MGMT: variants seen among roughly 807,000 people sequenced by gnomAD.
The protein encoded by MGMT is methylated-DNA--protein-cysteine methyltransferase.
Under a neutral mutation model 15.9 loss-of-function variants are expected in MGMT, and 14 were observed. That is an observed-to-expected ratio of 0.88 (90% CI 0.58 to 1.37). MGMT has a LOEUF of 1.37. MGMT is among the 40% of genes most tolerant of loss of function. The probability of loss-of-function intolerance (pLI) is 0.00; values close to 1 mark genes in which losing one functional copy is unlikely to be tolerated. For missense variants in MGMT, 282 were observed against 268.1 expected, an observed-to-expected ratio of 1.05 and a Z score of -0.36; for synonymous variants, 130 against 118.2, an observed-to-expected ratio of 1.10 and a Z score of -0.65.
chr10:129,486,614 A>C (rs1229900152), intron 1 of MGMT, among the ~76,000 whole-genome samples: 2 of 152,200 alleles, frequency 1.3e-5, no homozygotes, highest in Non-Finnish European at 2.9e-5. Flanking sequence ...ATAAACCTTA[A>C]CTGACTTTCT....
chr10:129,518,131 G>A (rs34697114), intron 1 of MGMT, among the ~76,000 whole-genome samples: 2 of 151,632 alleles, frequency 1.3e-5, no homozygotes, highest in South Asian at 2.1e-4. Context: ...ATCAGGAAGC[G>A]TATCTCACCG....
At chr10:129,508,831 G>A (rs997481006) in intron 1 of MGMT, among the ~76,000 whole-genome samples, 4 of 152,092 alleles carry the variant, frequency 2.6e-5, no homozygotes, top group Admixed American at 2.6e-4. Flanking sequence ...ACAGGCATGA[G>A]CCACCAGGCC....
chr10:129,629,420 T>C (rs1056850022), intron 2 of MGMT, among the ~76,000 whole-genome samples: 2 of 152,222 alleles, frequency 1.3e-5, no homozygotes, highest in African/African-American at 4.8e-5. Context: ...TCCGTGGTAG[T>C]ACATTTCACA....
intron 2 of MGMT, among the ~76,000 whole-genome samples, chr10:129,666,720 A>G (rs563307049): frequency 6.6e-6 from 1 of 152,286 alleles, no homozygotes; most frequent in South Asian, 2.1e-4. Context: ...TAATATTTTT[A>G]TCTGTTATTT....
At chr10:129,708,069 T>A in intron 3 of MGMT, 26 bp downstream of exon 3, 2 of 1,600,096 alleles carry the variant, frequency 1.2e-6, no homozygotes, top group Non-Finnish European at 1.7e-6. Flanking sequence ...ATCTGCGGTG[T>A]TTCCTTTGGG....
At chr10:129,718,646 G>C (rs563449301) in intron 3 of MGMT, among the ~76,000 whole-genome samples, 1 of 152,368 alleles carries the variant, frequency 6.6e-6, no homozygotes, top group South Asian at 2.1e-4. Flanking sequence ...CTCTCCTGGT[G>C]AGTGTCACCT....
intron 2 of MGMT, among the ~76,000 whole-genome samples, chr10:129,572,856 T>A (rs1846436020): frequency 6.6e-6 from 1 of 152,208 alleles, no homozygotes; most frequent in East Asian, 1.9e-4. Context: ...GCTCTCACAT[T>A]TATCTTAAGT....
intron 2 of MGMT, among the ~76,000 whole-genome samples, chr10:129,647,836 A>G (rs1421118008): frequency 1.3e-5 from 2 of 152,184 alleles, no homozygotes; most frequent in Non-Finnish European, 2.9e-5. Flanking sequence ...ATTTGATTCA[A>G]TTTCCCTCTG....
intron 2 of MGMT, among the ~76,000 whole-genome samples, chr10:129,562,589 T>G (rs1202810737): frequency 1.3e-5 from 2 of 152,124 alleles, no homozygotes; most frequent in Admixed American, 1.3e-4. Context: ...AGGAGGAGCT[T>G]TTTTTCCCCA....
intron 2 of MGMT, among the ~76,000 whole-genome samples, chr10:129,593,486 CT>C (rs942979858): frequency 2.7e-4 from 41 of 152,362 alleles, no homozygotes; most frequent in African/African-American, 9.6e-4. Context: ...GAGGGAGCCC[CT>C]GGCTTCTTAT....
chr10:129,545,337 C>G (rs1249023586), intron 2 of MGMT, among the ~76,000 whole-genome samples: 2 of 152,134 alleles, frequency 1.3e-5, no homozygotes, highest in Non-Finnish European at 2.9e-5. Context: ...TCAGTATTGT[C>G]CTGGGGGCCT....
intron 3 of MGMT, chr10:129,717,999 C>T (rs1228052723): frequency 6.6e-6 from 1 of 152,166 alleles, no homozygotes; most frequent in Non-Finnish European, 1.5e-5. Context: ...GCCTTGCCCC[C>T]AGGATGTTTC....
intron 1 of MGMT, among the ~76,000 whole-genome samples, chr10:129,495,424 A>C (rs982627427): frequency 6.6e-6 from 1 of 152,228 alleles, no homozygotes; most frequent in Non-Finnish European, 1.5e-5. Context: ...TGGAGTGCTT[A>C]TTACAGTCGG....
intron 2 of MGMT, among the ~76,000 whole-genome samples, chr10:129,665,936 A>C (rs1384127702): frequency 6.6e-6 from 1 of 152,226 alleles, no homozygotes; most frequent in East Asian, 1.9e-4. Flanking sequence ...GTTAGATAAA[A>C]GCACTGTGTT....
chr10:129,570,033 C>T (rs535399910), intron 2 of MGMT, among the ~76,000 whole-genome samples: 7 of 152,186 alleles, frequency 4.6e-5, no homozygotes, highest in African/African-American at 1.2e-4. Context: ...TTTGTCTGTG[C>T]GAAGAGAAAG....
chr10:129,733,068 T>C (rs1848520548), intron 3 of MGMT, among the ~76,000 whole-genome samples: 1 of 150,798 alleles, frequency 6.6e-6, no homozygotes, highest in Non-Finnish European at 1.5e-5. Context: ...TTTGGGTATA[T>C]ACCCAGTAAT....
At chr10:129,731,383 G>A (rs185986075) in intron 3 of MGMT, among the ~76,000 whole-genome samples, 2,110 of 119,900 alleles carry the variant, frequency 0.018, 62 homozygotes, top group African/African-American at 0.063. Context: ...TTTTTTTTGC[G>A]ACGGAGTCTC....
chr10:129,636,301 G>A (rs983690592), intron 2 of MGMT, among the ~76,000 whole-genome samples: 2 of 152,204 alleles, frequency 1.3e-5, no homozygotes, highest in African/African-American at 4.8e-5. Flanking sequence ...CCTCAGGACT[G>A]CTGTAAGAGT....
chr10:129,551,829 G>A (rs1249483799), intron 2 of MGMT, among the ~76,000 whole-genome samples: 1 of 152,194 alleles, frequency 6.6e-6, no homozygotes, highest in Non-Finnish European at 1.5e-5. Context: ...ATAGCCTCCT[G>A]TGCCTGGCCT....
Sources: allele counts gnomAD v4.1 joint callset (sites outside exome capture counted in the v4.1 genomes callset), GRCh38; gene constraint gnomAD v4.1.1; transcripts MANE v1.5; gene names NCBI Gene and HGNC (gene_info 2026-07-23, HGNC 2026-07-21).